The following CACNA2D3 variants were observed in gnomAD, a reference collection of about 807,000 sequenced individuals.
CACNA2D3 encodes voltage-dependent calcium channel subunit alpha-2/delta-3.
In CACNA2D3, 60 loss-of-function variants were observed where a neutral mutation model predicts 160.6. That is an observed-to-expected ratio of 0.37 (90% CI 0.30 to 0.46). The LOEUF (loss-of-function observed/expected upper bound fraction) is 0.46. CACNA2D3 is among the 20% of genes least tolerant of loss of function. CACNA2D3 has a pLI of 1.00. For synonymous variants in CACNA2D3, 558 were observed against 492.9 expected (o/e 1.13, Z -1.75); for missense variants, 1,205 against 1,365.0 (o/e 0.88, Z 1.85).
At chr3:54,950,689 G>A (rs894311813) in intron 27 of CACNA2D3, among the ~76,000 whole-genome samples, 2 of 152,118 alleles carry the variant, frequency 1.3e-5, no homozygotes, top group South Asian at 2.1e-4. Context: ...CTCTACTCAC[G>A]AAAGGAACCC....
At chr3:54,893,856 A>G (rs1211350272) in intron 25 of CACNA2D3, among the ~76,000 whole-genome samples, 1 of 152,090 alleles carries the variant, frequency 6.6e-6, no homozygotes, top group African/African-American at 2.4e-5. Context: ...TAGCCTTCAC[A>G]GCGTACAGCC....
At chr3:54,152,449 A>G (rs1272243867) in intron 2 of CACNA2D3, among the ~76,000 whole-genome samples, 1 of 152,256 alleles carries the variant, frequency 6.6e-6, no homozygotes, top group African/African-American at 2.4e-5. Flanking sequence ...GATTCAATGC[A>G]TATGAGCCCA....
At chr3:54,414,495 C>T (rs1699722633) in intron 4 of CACNA2D3, among the ~76,000 whole-genome samples, 1 of 152,108 alleles carries the variant, frequency 6.6e-6, no homozygotes, top group South Asian at 2.1e-4. Context: ...TTATTTGCTT[C>T]TTCCAAAGTT....
At chr3:54,156,708 C>G (rs987648755) in intron 2 of CACNA2D3, among the ~76,000 whole-genome samples, 1 of 152,202 alleles carries the variant, frequency 6.6e-6, no homozygotes, top group Non-Finnish European at 1.5e-5. Flanking sequence ...TGGGTAGAAG[C>G]TGAAGCGCTG....
chr3:54,490,064 G>A (rs1701083836), intron 4 of CACNA2D3, among the ~76,000 whole-genome samples: 3 of 152,186 alleles, frequency 2.0e-5, no homozygotes, highest in Admixed American at 2.0e-4. Context: ...TTTGGCTCAT[G>A]TAGAACTAGT....
At chr3:54,904,461 A>T (rs1260041075) in intron 27 of CACNA2D3, among the ~76,000 whole-genome samples, 1 of 152,232 alleles carries the variant, frequency 6.6e-6, no homozygotes, top group East Asian at 1.9e-4. Context: ...CAAATACAAG[A>T]TACTCAATCC....
intron 4 of CACNA2D3, among the ~76,000 whole-genome samples, chr3:54,497,339 A>G (rs1440251942): frequency 1.3e-5 from 2 of 152,036 alleles, no homozygotes; most frequent in Non-Finnish European, 2.9e-5. Context: ...AGTTTAATAT[A>G]CACCTATTAT....
At chr3:54,743,657 G>T (rs1007083288) in intron 11 of CACNA2D3, among the ~76,000 whole-genome samples, 2 of 152,156 alleles carry the variant, frequency 1.3e-5, no homozygotes, top group Admixed American at 6.5e-5. Flanking sequence ...TAATTTGATG[G>T]CCTTACACAT....
intron 4 of CACNA2D3, among the ~76,000 whole-genome samples, chr3:54,486,274 C>A (rs1701014358): frequency 6.6e-6 from 1 of 152,154 alleles, no homozygotes; most frequent in Non-Finnish European, 1.5e-5. Context: ...TGAATTCCAT[C>A]AAGCACTTCC....
intron 14 of CACNA2D3, among the ~76,000 whole-genome samples, chr3:54,821,103 C>G (rs1453774806): frequency 6.6e-6 from 1 of 152,192 alleles, no homozygotes; most frequent in Non-Finnish European, 1.5e-5. Context: ...TGCATCCACA[C>G]AACTTTGGAA....
intron 2 of CACNA2D3, among the ~76,000 whole-genome samples, chr3:54,144,952 G>A (rs1258882423): frequency 6.6e-6 from 1 of 152,182 alleles, no homozygotes; most frequent in Admixed American, 6.5e-5. Flanking sequence ...GATATTCAGA[G>A]ATTAGTTGTG....
At chr3:54,741,002 C>T (rs1173495959) in intron 11 of CACNA2D3, among the ~76,000 whole-genome samples, 1 of 152,114 alleles carries the variant, frequency 6.6e-6, no homozygotes, top group Non-Finnish European at 1.5e-5. Flanking sequence ...GGGCTTTGGC[C>T]CCAAATCCCA....
chr3:54,731,660 G>A (rs1310785248), intron 11 of CACNA2D3, among the ~76,000 whole-genome samples: 3 of 151,954 alleles, frequency 2.0e-5, no homozygotes, highest in African/African-American at 7.2e-5. Flanking sequence ...GTCTTTACTG[G>A]GGCAGAGTAA....
At chr3:54,312,807 C>G (rs1166919047) in intron 2 of CACNA2D3, among the ~76,000 whole-genome samples, 2 of 152,270 alleles carry the variant, frequency 1.3e-5, no homozygotes, top group African/African-American at 4.8e-5. Context: ...TGCCTTTCTT[C>G]CATGTCACAA....
At chr3:54,232,735 A>G (rs1489414642) in intron 2 of CACNA2D3, among the ~76,000 whole-genome samples, 1 of 152,178 alleles carries the variant, frequency 6.6e-6, no homozygotes, top group Non-Finnish European at 1.5e-5. Context: ...TGTAGATCAC[A>G]TGAACATTTT....
At chr3:54,484,565 C>A (rs764949733) in intron 4 of CACNA2D3, among the ~76,000 whole-genome samples, 3 of 152,086 alleles carry the variant, frequency 2.0e-5, no homozygotes, top group African/African-American at 7.2e-5. Flanking sequence ...CTGTGAGAAA[C>A]GTGAGAGTAA....
intron 11 of CACNA2D3, among the ~76,000 whole-genome samples, chr3:54,740,137 G>A (rs542647443): frequency 3.3e-5 from 5 of 152,058 alleles, no homozygotes; most frequent in Non-Finnish European, 7.4e-5. Context: ...AGACAGGGGA[G>A]CCACAGAACA....
At chr3:54,875,166 T>G (rs1280920184) in intron 18 of CACNA2D3, 1 of 152,160 alleles carries the variant, frequency 6.6e-6, no homozygotes, top group Non-Finnish European at 1.5e-5. Flanking sequence ...TTTGATTCTT[T>G]TTTATACCCT....
intron 27 of CACNA2D3, among the ~76,000 whole-genome samples, chr3:54,928,877 A>T (rs1398886297): frequency 1.3e-5 from 2 of 151,894 alleles, no homozygotes; most frequent in South Asian, 2.1e-4. Flanking sequence ...GTCGACTGTG[A>T]CTCTTCTCTA....
Sources: allele counts gnomAD v4.1 joint callset (sites outside exome capture counted in the v4.1 genomes callset), GRCh38; gene constraint gnomAD v4.1.1; transcripts MANE v1.5; gene names NCBI Gene and HGNC (gene_info 2026-07-23, HGNC 2026-07-21).